The following ALMS1 variants were observed in gnomAD, a reference collection of about 807,000 sequenced individuals.
The protein encoded by ALMS1 is centrosome-associated protein ALMS1.
Under a neutral mutation model 352.2 loss-of-function variants are expected in ALMS1, and 271 were observed. The ratio of observed to expected loss-of-function variants is 0.77; its 90% CI spans 0.70 to 0.85. The LOEUF is 0.85. ALMS1 is among the 40% of genes least tolerant of loss of function. The pLI, the probability that ALMS1 is intolerant of heterozygous loss-of-function variation, is 0.00. For missense variants in ALMS1, 5,445 were observed against 4,870.7 expected (o/e 1.12, Z -3.51); for synonymous variants, 1,865 against 1,761.2 (o/e 1.06, Z -1.48).
intron 9 of ALMS1, among the ~76,000 whole-genome samples, chr2:73,478,300 A>C (rs968230577): frequency 3.3e-5 from 5 of 152,206 alleles, no homozygotes; most frequent in Non-Finnish European, 5.9e-5. Context: ...TTTACTTGGC[A>C]AATACTAAAG....
At chr2:73,604,853 T>TA (rs776307303) in intron 21 of ALMS1, among the ~76,000 whole-genome samples, 2 of 152,198 alleles carry the variant, frequency 1.3e-5, no homozygotes, top group African/African-American at 2.4e-5. Context: ...ACTGGTGTCT[T>TA]ACCACTATTC....
At chr2:73,575,157 TTATC>T (rs139708609) in intron 16 of ALMS1, among the ~76,000 whole-genome samples, 2,925 of 152,320 alleles carry the variant, frequency 0.019, 110 homozygotes, top group African/African-American at 0.065. Flanking sequence ...CACATTTTGT[TTATC>T]CATTCATTTA....
chr2:73,585,745 C>G (rs1373459313), intron 16 of ALMS1, among the ~76,000 whole-genome samples: 2 of 53,118 alleles, frequency 3.8e-5, no homozygotes, highest in African/African-American at 3.7e-4. Flanking sequence ...TTTTTTTCCC[C>G]GAGACGGAGT....
intron 10 of ALMS1, among the ~76,000 whole-genome samples, chr2:73,512,801 A>G (rs546854181): frequency 6.6e-6 from 1 of 152,254 alleles, no homozygotes; most frequent in Non-Finnish European, 1.5e-5. Context: ...TTTCTGGCAC[A>G]AGATATTTCA....
chr2:73,501,408 T>A (rs1673216102), intron 10 of ALMS1, among the ~76,000 whole-genome samples: 1 of 152,144 alleles, frequency 6.6e-6, no homozygotes, highest in African/African-American at 2.4e-5. Context: ...GTAAAAGTTT[T>A]CTCCTGTATT....
intron 1 of ALMS1, among the ~76,000 whole-genome samples, chr2:73,387,688 C>G (rs1670567214): frequency 6.6e-6 from 1 of 151,932 alleles, no homozygotes; most frequent in East Asian, 1.9e-4. Context: ...ATATTTGAAA[C>G]GAGGGGATGT....
chr2:73,509,287 C>T (rs1247082489), intron 10 of ALMS1, among the ~76,000 whole-genome samples: 2 of 152,098 alleles, frequency 1.3e-5, no homozygotes, highest in Non-Finnish European at 2.9e-5. Context: ...TTGATCCTGT[C>T]ATTATGATGC....
intron 2 of ALMS1, 59 bp from the exon 3 acceptor site, chr2:73,419,064 T>C (rs1272259330): frequency 4.0e-5 from 55 of 1,387,244 alleles, no homozygotes; most frequent in Non-Finnish European, 4.8e-5. Flanking sequence ...CATCTAAATA[T>C]TAATATGTAT....
chr2:73,470,458 C>A (rs1672444902), intron 9 of ALMS1: 1 of 151,696 alleles, frequency 6.6e-6, no homozygotes, highest in Admixed American at 6.6e-5. Flanking sequence ...GTTGTTAATT[C>A]CCACATAATT....
chr2:73,505,983 G>A (rs1673312487), intron 10 of ALMS1, among the ~76,000 whole-genome samples: 1 of 152,110 alleles, frequency 6.6e-6, no homozygotes, highest in South Asian at 2.1e-4. Context: ...GTGTAAGGAA[G>A]GGATCCAGTT....
In ALMS1 at chr2:73,453,371, C is replaced by T. The variant is rs779871780; in HGVS notation, c.6844C>T (p.Pro2282Ser). Residue 2282 changes from proline (P) to serine (S), a missense_variant, in exon 8 of 23, where the codon CCC becomes TCC. Physicochemically the swap from Pro to Ser is moderately conservative, Grantham distance 74. Coordinates refer to ENST00000613296, the MANE Select transcript of ALMS1 (RefSeq NM_001378454.1). ...ACTGAAACGATGCAATTTTCCTGCT[C>T]CCCTTGCCCGTTTCAGAGATATTAG... ...MALKRCNFPA[P>S]LARFRDISDI... The T allele has an allele frequency of 6.2e-7, 1 of 1,613,826 alleles. No homozygotes were observed.
Position 73,572,312 on chromosome 2 carries a change from T to G in ALMS1, c.10435T>G (p.Ser3479Ala). 6.2e-7 allele frequency: 1 copy of G among 1,606,198 alleles called. No homozygotes were observed. The highest frequency in any genetic ancestry group is 8.5e-7 in the Non-Finnish European group (1 of 1,177,070). The change falls in exon 16 of 23, where the codon TCA (serine) becomes GCA (alanine). Residue 3479 changes from serine (S) to alanine (A), a missense_variant. Transcript: ENST00000613296. ...AAATACTACCCGTTCTGTCTTCAGG[T>G]CAGCAAAGTTTTACATTCATCATCC... ...FENTTRSVFR[S>A]AKFYIHHPVH...
intron 7 of ALMS1, among the ~76,000 whole-genome samples, chr2:73,441,033 T>C (rs1671709321): frequency 6.6e-6 from 1 of 152,202 alleles, no homozygotes; most frequent in South Asian, 2.1e-4. Flanking sequence ...CCTCAAGGCC[T>C]GCTGGTGCTG....
chr2:73,402,034 A>ATGTGTG (rs138240384), intron 1 of ALMS1, among the ~76,000 whole-genome samples: 1 of 131,676 alleles, frequency 7.6e-6, no homozygotes, highest in East Asian at 2.0e-4. Context: ...TGTGTGTGTT[A>ATGTGTG]TGTGTGTGTG....
chr2:73,487,644 C>T (rs1050956325), intron 9 of ALMS1, among the ~76,000 whole-genome samples: 3 of 152,126 alleles, frequency 2.0e-5, no homozygotes, highest in Admixed American at 6.5e-5. Context: ...TCTTTTAGTC[C>T]CACCATTTGG....
chr2:73,590,151 C>G (rs541507482), intron 16 of ALMS1, among the ~76,000 whole-genome samples: 1 of 151,680 alleles, frequency 6.6e-6, no homozygotes, highest in Non-Finnish European at 1.5e-5. Context: ...GTGCTTTCAA[C>G]CAGAATACAT....
rs140062566 is a variant in ALMS1, at chr2:73,452,375, A to G, written c.5848A>G (p.Ile1950Val). 26 of 1,613,838 alleles carry G rather than the reference A, an allele frequency of 1.6e-5. No individual in the cohort carries two copies. The East Asian group carries it at 5.6e-4, about 35-fold the overall frequency. Residue 1950 changes from isoleucine (I) to valine (V), a missense_variant, in exon 8 of 23, where the codon ATC (isoleucine) becomes GTC (valine). Transcript: ENST00000613296. ...YYSRREKPSV[I>V]SQQELPDSHL... ...CTCACGTAGAGAGAAGCCCAGTGTT[A>G]TCTCTCAACAGGAGTTGCCAGACAG...
chr2:73,420,201 G>A (rs564954306), intron 3 of ALMS1, among the ~76,000 whole-genome samples: 1 of 152,248 alleles, frequency 6.6e-6, no homozygotes, highest in South Asian at 2.1e-4. Flanking sequence ...AAATATCTAA[G>A]TGCCTCCTAT....
chr2:73,463,641 CA>C (rs1361052603), intron 9 of ALMS1, among the ~76,000 whole-genome samples: 1 of 125,364 alleles, frequency 8.0e-6, no homozygotes, highest in Non-Finnish European at 1.7e-5. Context: ...AAAAACCCTT[CA>C]AAAAATTAAT....
Sources: allele counts gnomAD v4.1 joint callset (sites outside exome capture counted in the v4.1 genomes callset), GRCh38; gene constraint gnomAD v4.1.1; transcripts MANE v1.5; gene names NCBI Gene and HGNC (gene_info 2026-07-23, HGNC 2026-07-21).